The following PITPNA variants were observed in gnomAD, a reference collection of about 807,000 sequenced individuals.
PITPNA encodes the protein phosphatidylinositol transfer protein alpha isoform.
In PITPNA, 13 loss-of-function variants were observed where a neutral mutation model predicts 50.3. The ratio of observed to expected loss-of-function variants is 0.26; its 90% CI spans 0.17 to 0.41. The LOEUF (loss-of-function observed/expected upper bound fraction) is 0.41. PITPNA is among the 10% of genes least tolerant of loss of function. PITPNA has a pLI of 1.00. For synonymous variants in PITPNA, 120 were observed against 119.6 expected (o/e 1.00, Z -0.02); for missense variants, 207 against 333.4 (o/e 0.62, Z 2.95).
intron 10 of PITPNA, among the ~76,000 whole-genome samples, chr17:1,529,391 G>A (rs1036983463): frequency 9.9e-5 from 15 of 151,514 alleles, no homozygotes; most frequent in South Asian, 2.1e-4. Flanking sequence ...GTGTAGTGGC[G>A]GGCGCCTCTA....
chr17:1,540,204 C>G (rs541161386), intron 6 of PITPNA, among the ~76,000 whole-genome samples: 9 of 151,806 alleles, frequency 5.9e-5, no homozygotes, highest in Non-Finnish European at 8.8e-5. Context: ...AGACTGTAAA[C>G]CCTTCTAGAG....
At chr17:1,541,247 A>G (rs1357982836) in intron 6 of PITPNA, among the ~76,000 whole-genome samples, 1 of 152,134 alleles carries the variant, frequency 6.6e-6, no homozygotes. Context: ...GGATAGGTGT[A>G]TTTTATTTTT....
chr17:1,557,735 A>G (rs1263070385), intron 2 of PITPNA, among the ~76,000 whole-genome samples: 1 of 152,208 alleles, frequency 6.6e-6, no homozygotes, highest in Non-Finnish European at 1.5e-5. Flanking sequence ...GACAGAGGAC[A>G]AGCCAAGCCT....
rs2075512762 is a variant in PITPNA, at chr17:1,521,564, A to T, written c.*22+15T>A. 2 of 1,582,030 alleles carry T rather than the reference A, an allele frequency of 1.3e-6. No homozygotes were observed. The highest frequency in any genetic ancestry group is 1.7e-6 in the Non-Finnish European group (2 of 1,150,858). On this transcript the variant is annotated intron_variant, in intron 11 of 11. Transcript: ENST00000313486. ...TAGCGTCTGTGACACGCACAGTGAG[A>T]AATTTGGTACGTACAGTGCAGAGGG...
At chr17:1,542,588 G>A (rs557388861) in intron 5 of PITPNA, among the ~76,000 whole-genome samples, 4 of 152,338 alleles carry the variant, frequency 2.6e-5, no homozygotes, top group African/African-American at 4.8e-5. Context: ...AATGGTGGGC[G>A]GGTGGGCAAT....
rs772511490 is a variant in PITPNA at position 1,529,542 on chromosome 17, CA to C, written c.768+4556del. On this transcript the variant is annotated intron_variant, in intron 10 of 11. Coordinates refer to ENST00000313486, the MANE Select transcript of PITPNA (RefSeq NM_006224.4). ...TGGGTGACACAGCAAGGTTCTGTCT[CA>C]AAAAAAATAAAATAAAATTTTAGAT... is the stretch of plus-strand genomic sequence containing the variant. 2.0e-5 allele frequency among the ~76,000 whole-genome samples: 3 copies of C among 150,838 alleles called. No individual in the cohort carries two copies. The South Asian group carries it at 6.3e-4, about 32-fold the overall frequency.
intron 5 of PITPNA, chr17:1,541,859 C>A: frequency 1.5e-6 from 1 of 648,952 alleles, no homozygotes; most frequent in Non-Finnish European, 2.9e-6. Context: ...TAGAATCACC[C>A]TCATTTTACA....
At position 1,562,178 on chromosome 17, in the gene PITPNA, G is replaced by A. The variant is rs1289277685; in HGVS notation, c.20+363C>T. ...TCTCCTCGGGTCCACTTGGGCCTCC[G>A]AGGCCCCCGGGGCGCCTGAGGAGCC... On this transcript the variant is annotated intron_variant, in intron 1 of 11. Coordinates refer to ENST00000313486, the MANE Select transcript of PITPNA (RefSeq NM_006224.4). This position sits in a 1 kb window ranked among gnomAD's most constrained non-coding sequence, Gnocchi z 6.4. Among the ~76,000 whole-genome samples, 1 of 152,018 alleles carries A rather than the reference G, an allele frequency of 6.6e-6. No individual in the cohort carries two copies. The highest frequency in any genetic ancestry group is 2.4e-5 in the African/African-American group (1 of 41,396).
chr17:1,544,201 G>A (rs554824529), intron 4 of PITPNA, among the ~76,000 whole-genome samples: 9 of 152,222 alleles, frequency 5.9e-5, no homozygotes, highest in Non-Finnish European at 1.0e-4. Flanking sequence ...TCAGCCAAGC[G>A]GACATTCTTT....
intron 10 of PITPNA, among the ~76,000 whole-genome samples, chr17:1,522,822 T>C (rs1325266824): frequency 1.3e-5 from 2 of 152,206 alleles, no homozygotes; most frequent in Non-Finnish European, 2.9e-5. Flanking sequence ...GCTAGGACTG[T>C]GGGCTGCTCG....
At chr17:1,561,671 C>T (rs1003595045) in intron 1 of PITPNA, among the ~76,000 whole-genome samples, 9 of 152,202 alleles carry the variant, frequency 5.9e-5, no homozygotes, top group Non-Finnish European at 1.3e-4. Context: ...CCAAAAGCCT[C>T]CTCTTCCGCA....
chr17:1,543,368 C>G (rs3785966), intron 4 of PITPNA, among the ~76,000 whole-genome samples: 84,114 of 151,362 alleles, frequency 0.56, 23,653 homozygotes, highest in East Asian at 0.69. Flanking sequence ...GAGCGTTCTC[C>G]GGCGCCTCCC....
intron 4 of PITPNA, among the ~76,000 whole-genome samples, chr17:1,544,384 G>A (rs1232994798): frequency 3.3e-5 from 5 of 152,178 alleles, no homozygotes; most frequent in Admixed American, 2.0e-4. Flanking sequence ...GTGAGACCCC[G>A]AGAGACAGAT....
At chr17:1,553,810 G>C (rs559478563) in intron 2 of PITPNA, among the ~76,000 whole-genome samples, 73 of 152,246 alleles carry the variant, frequency 4.8e-4, no homozygotes, top group Non-Finnish European at 7.9e-4. Context: ...TTCTTCTCTA[G>C]TCTTAGGCCT....
chr17:1,537,062 C>A (rs2075622466), intron 7 of PITPNA, among the ~76,000 whole-genome samples: 1 of 149,342 alleles, frequency 6.7e-6, no homozygotes, highest in Non-Finnish European at 1.5e-5. Context: ...CCACGCCCAG[C>A]TAATTTTGTA....
At chr17:1,533,349 G>A (rs572792250) in intron 10 of PITPNA, among the ~76,000 whole-genome samples, 3 of 152,234 alleles carry the variant, frequency 2.0e-5, no homozygotes, top group Non-Finnish European at 2.9e-5. Flanking sequence ...CCAGAGCACC[G>A]CAGCATTGAG....
rs562759177 is a variant in PITPNA at position 1,529,099 on chromosome 17, C to T, written c.768+5000G>A. On this transcript the variant is annotated intron_variant, in intron 10 of 11. Transcript: ENST00000313486. The stretch of plus-strand genomic sequence containing the variant: ...GTTGCAGTGAGCCGAGATTGCGCCA[C>T]TGCAGTCCAGCCTGGGCGACAGAGC... 2.3e-3 allele frequency among the ~76,000 whole-genome samples: 324 copies of T among 141,920 alleles called. 2 individuals are homozygous for T. Among genetic ancestry groups the T allele is most frequent in the Admixed American group, 4.1e-3 (57 of 13,744 alleles). 93.1% of individuals were successfully genotyped at this position (141,920 alleles called of 152,430 possible).
Position 1,521,654 on chromosome 17 carries a change from A to C in PITPNA, c.769-9T>G, listed in dbSNP as rs2277669. On this transcript the variant is annotated splice_polypyrimidine_tract_variant and intron_variant, in intron 10 of 11. Coordinates refer to ENST00000313486, the MANE Select transcript of PITPNA (RefSeq NM_006224.4). ...GGGTCCTTTTGTCTCATCTGGAACA[A>C]AAAAAGCAGGACAAATGGAAGGCTC... The C allele has an allele frequency of 1.2e-6, 2 of 1,611,692 alleles. No homozygotes were observed. Among genetic ancestry groups the C allele is most frequent in the Admixed American group, 1.7e-5 (1 of 59,958 alleles).
At chr17:1,534,352 G>T in intron 9 of PITPNA, 131 bp from the exon 10 acceptor site, 2 of 1,103,594 alleles carry the variant, frequency 1.8e-6, no homozygotes, top group Non-Finnish European at 2.6e-6. Context: ...AGTAATGCCC[G>T]GCTGGTTATC....
Sources: gnomAD v4.1 joint callset for allele counts (sites outside exome capture counted in the v4.1 genomes callset) on GRCh38, gnomAD v4.1.1 for gene constraint, Gnocchi (gnomAD v3.1) non-coding constraint, MANE v1.5 for transcripts, NCBI Gene and HGNC (gene_info 2026-07-23, HGNC 2026-07-21) for gene names.